SZT2: variants seen among roughly 807,000 people sequenced by gnomAD.
SZT2 encodes KICSTOR complex protein SZT2.
In SZT2, 216 loss-of-function variants were observed where a neutral mutation model predicts 404.2. That is an observed-to-expected ratio of 0.53 (90% CI 0.48 to 0.60). The LOEUF (loss-of-function observed/expected upper bound fraction) is 0.60. Ranked by LOEUF, SZT2 falls within the 20% of genes least tolerant of loss-of-function variation. The probability of loss-of-function intolerance (pLI) is 0.00; values close to 1 mark genes in which losing one functional copy is unlikely to be tolerated. For missense variants in SZT2, 3,857 were observed against 4,459.2 expected (o/e 0.86, Z 3.85); for synonymous variants, 1,693 against 1,749.9 (o/e 0.97, Z 0.81).
Position 43,389,998 on chromosome 1 carries a change from G to A in SZT2, c.27+3G>A, listed in dbSNP as rs930074442. ...CCTCGGAGCGCCCGGAGCCGGAGGT[G>A]AGGGGCGGGCGGGCGCAGCACTGGG... On this transcript the variant is annotated splice_donor_region_variant and intron_variant, in intron 1 of 71. Transcript: ENST00000634258. 3.6e-6 allele frequency: 5 copies of A among 1,389,336 alleles called. No individual in the cohort carries two copies. Among genetic ancestry groups the A allele is most frequent in the Non-Finnish European group, 4.6e-6 (5 of 1,075,332 alleles). 86.1% of individuals were successfully genotyped at this position (1,389,336 alleles called of 1,614,324 possible). A position where few individuals can be genotyped will look rare whatever the true frequency, so the allele number is the denominator to read the frequency against.
At position 43,416,643 on chromosome 1, in the gene SZT2, T is replaced by C; in HGVS notation, c.879+2T>C. ...ACTGTGGCTTGTTCCTTTGTCCAGG[T>C]GAGGACTTTTTAGGAAGGACGAGAG... is the stretch of plus-strand genomic sequence containing the variant. On this transcript the variant is annotated splice_donor_variant, in intron 7 of 71. Transcript: ENST00000634258. LOFTEE classifies it high-confidence loss of function. 6.3e-7 allele frequency: 1 copy of C among 1,595,968 alleles called. No homozygotes were observed. The highest frequency in any genetic ancestry group is 8.5e-7 in the Non-Finnish European group (1 of 1,178,606).
chr1:43,430,791 T>C lies in SZT2; in HGVS notation c.4774+2T>C. The C allele has an allele frequency of 6.2e-7, 1 of 1,606,290 alleles. No individual in the cohort carries two copies. Among genetic ancestry groups the C allele is most frequent in the Non-Finnish European group, 8.5e-7 (1 of 1,176,258 alleles). ...TGTGCAGCCTGCCTACCTGCCTGGG[T>C]GAGTTTGAGGCAGCCCGAGGGAAAG... On this transcript the variant is annotated splice_donor_variant, in intron 32 of 71. Coordinates refer to ENST00000634258, the MANE Select transcript of SZT2 (RefSeq NM_001365999.1). LOFTEE classifies it high-confidence loss of function.
At chr1:43,393,081 T>C (rs1216484860) in intron 1 of SZT2, among the ~76,000 whole-genome samples, 3 of 152,112 alleles carry the variant, frequency 2.0e-5, no homozygotes, top group African/African-American at 7.2e-5. Flanking sequence ...TGTTAAGAAA[T>C]GGGGAGGCAA....
rs758689895 is a variant in SZT2 at position 43,441,004 on chromosome 1, C to T, written c.7345-210C>T. ...TTTTCTTGTCGGATCCTCACAACAG[C>T]TTGCAAGATAAGTAGAGCTTTTACA... On this transcript the variant is annotated intron_variant, in intron 52 of 71. Transcript: ENST00000634258. The surrounding 1 kb of genome is among the most constrained non-coding windows in gnomAD (Gnocchi z 4.8). 6.6e-6 allele frequency among the ~76,000 whole-genome samples: 1 copy of T among 152,226 alleles called. No individual in the cohort carries two copies. The highest frequency in any genetic ancestry group is 6.5e-5 in the Admixed American group (1 of 15,286).
chr1:43,403,095 C>A, intron 1 of SZT2, 82 bp from the exon 2 acceptor site: 4 of 1,499,512 alleles, frequency 2.7e-6, no homozygotes, highest in Non-Finnish European at 3.7e-6. Flanking sequence ...GTTCCTTGGG[C>A]AAATTATTTG....
At chr1:43,404,731 A>C in intron 4 of SZT2, 181 bp downstream of exon 4, 1 of 585,440 alleles carries the variant, frequency 1.7e-6, no homozygotes, top group Non-Finnish European at 2.9e-6. Flanking sequence ...GTTCCTCTGG[A>C]CTTAAAGGGC....
At chr1:43,446,856 G>A (rs998171177) in intron 65 of SZT2, 99 bp from the exon 66 acceptor site, 4 of 1,293,276 alleles carry the variant, frequency 3.1e-6, no homozygotes, top group African/African-American at 2.9e-5. Context: ...CACAGCAGCA[G>A]GGGAAATCTT....
At chr1:43,436,931 A>C in intron 42 of SZT2, 1 of 554,684 alleles carries the variant, frequency 1.8e-6, no homozygotes, top group South Asian at 2.4e-5. Context: ...ACCTCTCATT[A>C]GCTCCTTCTC....
intron 65 of SZT2, chr1:43,446,638 C>A: frequency 3.1e-6 from 2 of 645,504 alleles, no homozygotes; most frequent in Non-Finnish European, 2.7e-6. Context: ...TCAGCTGTAG[C>A]CCTGAGGCAG....
chr1:43,449,942 G>C, intron 70 of SZT2, 161 bp from the exon 71 acceptor site: 1 of 794,860 alleles, frequency 1.3e-6, no homozygotes, highest in Non-Finnish European at 2.1e-6. Flanking sequence ...CGAGGATGAG[G>C]ACTGAGGCTC....
At position 43,389,941 on chromosome 1, in the gene SZT2, G is replaced by T. The variant is rs756903091; in HGVS notation, c.-28G>T. On this transcript the variant is annotated 5_prime_UTR_variant, in exon 1 of 72. Transcript: ENST00000634258. ...GGTCAAGAGTGGAACACCCTCACTG[G>T]CCCGGGCCGGCGCGGGAGGGCTGTG... 15 of 1,471,196 alleles carry T rather than the reference G, an allele frequency of 1.0e-5. No individual in the cohort carries two copies. In the South Asian group the frequency reaches 1.7e-4, roughly 17 times the overall value. The allele number at this position is 1,471,196 out of a possible 1,614,324, so 91.1% of individuals were successfully genotyped here.
chr1:43,420,371 TTGTG>T lies in SZT2; in HGVS notation c.1261+53_1261+56del. Reference sequence around the variant, plus strand: ...GTAATCCCATAGATCTCTCAAGAATTTGTGTGTGGGAAGACCCACATGTATCACA... The same window carrying T: ...GTAATCCCATAGATCTCTCAAGAATTTGTGGGAAGACCCACATGTATCACA... On this transcript the variant is annotated intron_variant, in intron 9 of 71. Transcript: ENST00000634258. This position sits in a 1 kb window ranked among gnomAD's most constrained non-coding sequence, Gnocchi z 5.1. The T allele has an allele frequency of 6.7e-7, 1 of 1,500,392 alleles. No homozygotes were observed. The highest frequency in any genetic ancestry group is 2.2e-5 in the Admixed American group (1 of 45,760). 92.9% of individuals were successfully genotyped at this position (1,500,392 alleles called of 1,614,324 possible).
Position 43,448,020 on chromosome 1 carries a change from C to G in SZT2, c.9563+49C>G, listed in dbSNP as rs746191236. 1.9e-6 allele frequency: 3 copies of G among 1,612,086 alleles called. No individual in the cohort carries two copies. In the East Asian group the frequency reaches 6.7e-5, roughly 36 times the overall value. ...CATGCCCATTTCCCAGCCTGCCCCA[C>G]CCTGCCCTGTGTGTCTCTTGCTACA... is the stretch of plus-strand genomic sequence containing the variant. On this transcript the variant is annotated intron_variant, in intron 68 of 71. Coordinates refer to ENST00000634258, the MANE Select transcript of SZT2 (RefSeq NM_001365999.1). The surrounding 1 kb of genome is among the most constrained non-coding windows in gnomAD (Gnocchi z 4.2).
chr1:43,435,425 A>G (rs1289144503), intron 42 of SZT2, 96 bp downstream of exon 42: 1 of 1,422,484 alleles, frequency 7.0e-7, no homozygotes, highest in Non-Finnish European at 9.6e-7. Flanking sequence ...AGTCCTCATT[A>G]CTTGGTCATC....
At chr1:43,427,979 T>C in intron 26 of SZT2, 24 bp from the exon 27 acceptor site, 1 of 1,601,196 alleles carries the variant, frequency 6.2e-7, no homozygotes, top group Non-Finnish European at 8.6e-7. Context: ...GTTGGTCAAG[T>C]TCCATTTTCC....
chr1:43,416,522 T>G lies in SZT2; in HGVS notation c.773-13T>G. ...CAGTGTCTCCAGGTCTGATCTGGTG[T>G]TTCCTGCTCCAGGGATTATCGTGAT... On this transcript the variant is annotated splice_polypyrimidine_tract_variant and intron_variant, in intron 6 of 71. Coordinates refer to ENST00000634258, the MANE Select transcript of SZT2 (RefSeq NM_001365999.1). 6.3e-7 allele frequency: 1 copy of G among 1,596,810 alleles called. No homozygotes were observed. The highest frequency in any genetic ancestry group is 8.5e-7 in the Non-Finnish European group (1 of 1,178,904).
chr1:43,424,732 G>A lies in SZT2; in HGVS notation c.2472-52G>A, dbSNP rs1301288919. On this transcript the variant is annotated intron_variant, in intron 16 of 71. Coordinates refer to ENST00000634258, the MANE Select transcript of SZT2 (RefSeq NM_001365999.1). The surrounding 1 kb of genome is among the most constrained non-coding windows in gnomAD (Gnocchi z 4.1). The stretch of plus-strand genomic sequence containing the variant: ...TATGTGGGGAGAGCTTGTAGTCTCA[G>A]TGTCTCTTCTTCCCTTATCCTGGCC... The A allele has an allele frequency of 2.0e-6, 3 of 1,492,324 alleles. No individual in the cohort carries two copies. Among genetic ancestry groups the A allele is most frequent in the East Asian group, 2.3e-5 (1 of 44,236 alleles). The allele number at this position is 1,492,324 out of a possible 1,614,324, so 92.4% of individuals were successfully genotyped here.
At position 43,453,377 on chromosome 1, in the gene SZT2, G is replaced by C. The variant is rs965683182; in HGVS notation, c.*2897G>C. 1 of 1,530,834 alleles carries C rather than the reference G, an allele frequency of 6.5e-7. No individual in the cohort carries two copies. The highest frequency in any genetic ancestry group is 2.0e-5 in the Admixed American group (1 of 50,846). 94.8% of individuals were successfully genotyped at this position (1,530,834 alleles called of 1,614,324 possible). On this transcript the variant is annotated 3_prime_UTR_variant, in exon 72 of 72. Coordinates refer to ENST00000634258, the MANE Select transcript of SZT2 (RefSeq NM_001365999.1). ...GTCACAGGGGTGGGGGTGGGGTGGA[G>C]CGGGGTACCTGGGACAGCCCAGGGC...
intron 62 of SZT2, 76 bp downstream of exon 62, chr1:43,443,872 T>A (rs61769044): frequency 6.4e-6 from 10 of 1,574,256 alleles, no homozygotes; most frequent in Non-Finnish European, 7.8e-6. Context: ...CTTCCTCTCT[T>A]TACAAGGTCC....
Sources: allele counts gnomAD v4.1 joint callset (sites outside exome capture counted in the v4.1 genomes callset), GRCh38; gene constraint gnomAD v4.1.1; non-coding constraint Gnocchi (gnomAD v3.1); transcripts MANE v1.5; gene names NCBI Gene and HGNC (gene_info 2026-07-23, HGNC 2026-07-21).